UNC79: variants seen among roughly 807,000 people sequenced by gnomAD.
UNC79 encodes the protein unc-79 subunit of NALCN channel complex, also known as protein unc-79 homolog.
UNC79 carries 37 observed loss-of-function variants against 283.1 expected under a neutral mutation model. The observed-to-expected ratio is 0.13, with a 90% CI of 0.10 to 0.17. The LOEUF is 0.17. UNC79 is among the 10% of genes least tolerant of loss of function. UNC79 has a pLI of 1.00. For missense variants in UNC79, 2,272 were observed against 3,211.1 expected (o/e 0.71, Z 7.07); for synonymous variants, 1,107 against 1,200.2 (o/e 0.92, Z 1.61).
chr14:93,345,517 T>C (rs1370373071), intron 1 of UNC79, among the ~76,000 whole-genome samples: 8 of 152,202 alleles, frequency 5.3e-5, no homozygotes, highest in Admixed American at 5.2e-4. Flanking sequence ...ATAATATCTA[T>C]AAAATACTAA....
chr14:93,373,408 A>G (rs74794047), intron 1 of UNC79, among the ~76,000 whole-genome samples: 1 of 145,912 alleles, frequency 6.9e-6, no homozygotes, highest in East Asian at 1.9e-4. Flanking sequence ...GCTATCTGAG[A>G]AAAAAAAAAG....
intron 1 of UNC79, among the ~76,000 whole-genome samples, chr14:93,415,768 A>G (rs1472482650): frequency 6.6e-6 from 1 of 151,336 alleles, no homozygotes; most frequent in African/African-American, 2.4e-5. Flanking sequence ...TGTGTCGAGG[A>G]ATTTATCCAT....
Position 93,500,070 on chromosome 14 carries a change from G to A in UNC79, c.898+2784G>A, listed in dbSNP as rs145201680. On this transcript the variant is annotated intron_variant, in intron 7 of 48. Transcript: ENST00000555664. ...GATTTTATCCTAACAGCAAAGGGAC[G>A]CCAGGCACAGGCTTTAGATGGAGAA... Among the ~76,000 whole-genome samples the A allele has an allele frequency of 7.0e-4, 106 of 152,202 alleles. 1 individual carries two copies. The highest frequency in any genetic ancestry group is 1.3e-4 in the Non-Finnish European group (9 of 68,010).
chr14:93,465,389 A>G (rs1267079069), intron 1 of UNC79, among the ~76,000 whole-genome samples: 2 of 152,198 alleles, frequency 1.3e-5, no homozygotes. Flanking sequence ...GGCTTGGGAT[A>G]GAGCCATGAG....
intron 1 of UNC79, among the ~76,000 whole-genome samples, chr14:93,345,316 A>C (rs1053305778): frequency 3.3e-5 from 5 of 152,246 alleles, no homozygotes; most frequent in Admixed American, 3.3e-4. Context: ...AGTAACAGAA[A>C]GGAACAAAAG....
chr14:93,342,481 G>A (rs1274334905), intron 1 of UNC79, among the ~76,000 whole-genome samples: 3 of 152,212 alleles, frequency 2.0e-5, no homozygotes, highest in African/African-American at 7.2e-5. Context: ...GATGGGAGGG[G>A]CTGCTGTGAG....
chr14:93,552,674 G>A (rs935262163), intron 14 of UNC79, among the ~76,000 whole-genome samples: 1 of 152,090 alleles, frequency 6.6e-6, no homozygotes, highest in Admixed American at 6.6e-5. Context: ...GTGAAGTGCA[G>A]CAAGAATAAT....
rs375068503 is a variant in UNC79 at position 93,335,168 on chromosome 14, T to C, written c.-351+1645T>C. 12 of 152,254 alleles carry C rather than the reference T, an allele frequency of 7.9e-5. No homozygotes were observed. In the East Asian group the frequency reaches 1.9e-3, roughly 24 times the overall value. The allele number at this position is 152,254 out of a possible 1,614,324, so 9.4% of individuals were successfully genotyped here. A position where few individuals can be genotyped will look rare whatever the true frequency, so the allele number is the denominator to read the frequency against. ...TGGTTGCACCTTGTCCTTTTGTCTATCTGCACAGCTGGAGACTTCTAGTAG... is the reference window on the plus strand; with the variant it reads ...TGGTTGCACCTTGTCCTTTTGTCTACCTGCACAGCTGGAGACTTCTAGTAG... On this transcript the variant is annotated intron_variant, in intron 1 of 49. Transcript: ENST00000256339.
chr14:93,627,651 C>T (rs189232660), intron 30 of UNC79, among the ~76,000 whole-genome samples: 1 of 152,188 alleles, frequency 6.6e-6, no homozygotes, highest in African/African-American at 2.4e-5. Context: ...AAGCAAATCA[C>T]ATGGCTGAAC....
At chr14:93,451,476 A>G (rs1314255248) in intron 1 of UNC79, among the ~76,000 whole-genome samples, 1 of 152,226 alleles carries the variant, frequency 6.6e-6, no homozygotes, top group Non-Finnish European at 1.5e-5. Flanking sequence ...TTTACACTTC[A>G]TATAGCCAGC....
At chr14:93,508,203 CG>C (rs1402245524) in intron 7 of UNC79, among the ~76,000 whole-genome samples, 7 of 142,970 alleles carry the variant, frequency 4.9e-5, no homozygotes, top group African/African-American at 1.3e-4. Context: ...CAATTTCTGT[CG>C]AAAAAAAAAA....
intron 32 of UNC79, among the ~76,000 whole-genome samples, chr14:93,638,798 A>G (rs1190468958): frequency 6.6e-6 from 1 of 152,204 alleles, no homozygotes; most frequent in Admixed American, 6.5e-5. Flanking sequence ...TGACTGAAGT[A>G]TAACAACGGT....
chr14:93,639,654 T>A (rs865943139), intron 32 of UNC79, among the ~76,000 whole-genome samples: 1 of 152,266 alleles, frequency 6.6e-6, no homozygotes, highest in Non-Finnish European at 1.5e-5. Context: ...TATTTTCAGA[T>A]ACTTTCCTTT....
chr14:93,568,538 G>A (rs533354574), intron 14 of UNC79, among the ~76,000 whole-genome samples: 1 of 152,178 alleles, frequency 6.6e-6, no homozygotes, highest in Non-Finnish European at 1.5e-5. Context: ...GCTGGGTGTG[G>A]TGGCGGGTGG....
chr14:93,350,029 T>G (rs2053952439), intron 1 of UNC79, among the ~76,000 whole-genome samples: 1 of 152,208 alleles, frequency 6.6e-6, no homozygotes, highest in African/African-American at 2.4e-5. Context: ...GGATGCTTGT[T>G]GAATATTTGG....
At chr14:93,582,635 C>G (rs2063903510) in intron 20 of UNC79, among the ~76,000 whole-genome samples, 1 of 152,202 alleles carries the variant, frequency 6.6e-6, no homozygotes, top group Non-Finnish European at 1.5e-5. Context: ...AGGCTGGGTG[C>G]TGACAATCTT....
intron 1 of UNC79, among the ~76,000 whole-genome samples, chr14:93,432,834 A>G (rs7156323): frequency 2.0e-5 from 3 of 152,212 alleles, no homozygotes; most frequent in African/African-American, 7.2e-5. Flanking sequence ...GTGTAGTTAC[A>G]TATTACGTAA....
At position 93,655,267 on chromosome 14, in the gene UNC79, G is replaced by A. The variant is rs374894942; in HGVS notation, c.6316G>A (p.Gly2106Ser). ...TAACAAAAAGAATTTACCAGCAGGG[G>A]GTGCTATGATTCGCTGTTTGGAAAA... Residue 2106 changes from glycine (G) to serine (S), a missense_variant, in exon 38 of 49, where the codon GGT becomes AGT. By Grantham distance (56) the Gly-to-Ser change is moderately conservative. Coordinates refer to ENST00000555664, the Ensembl canonical transcript of UNC79. The A allele has an allele frequency of 3.7e-6, 6 of 1,613,932 alleles. No homozygotes were observed. The African/African-American group carries it at 8.0e-5, about 22-fold the overall frequency.
intron 4 of UNC79, among the ~76,000 whole-genome samples, chr14:93,485,208 G>GTGTATATATATATA (rs2058352354): frequency 1.6e-5 from 2 of 122,316 alleles, no homozygotes; most frequent in Non-Finnish European, 3.6e-5. Context: ...GTATATATAT[G>GTGTATATATATATA]TGTATATATA....
Sources: allele counts gnomAD v4.1 joint callset (sites outside exome capture counted in the v4.1 genomes callset), GRCh38; gene constraint gnomAD v4.1.1; transcripts MANE v1.5; gene names NCBI Gene and HGNC (gene_info 2026-07-23, HGNC 2026-07-21).